Variants in NINJ1 observed in about 807,000 individuals in gnomAD.
NINJ1 encodes the protein ninjurin-1.
In NINJ1, 6 loss-of-function variants were observed where a neutral mutation model predicts 12.7. The observed-to-expected ratio is 0.47, with a 90% confidence interval of 0.26 to 0.93. The LOEUF (loss-of-function observed/expected upper bound fraction) is 0.93, where lower values mean the gene tolerates loss of function less well. Among genes scored for constraint, NINJ1 ranks in the 40% least tolerant of loss-of-function variants. The pLI is 0.15. For missense variants in NINJ1, 170 were observed against 213.0 expected (o/e 0.80, Z 1.26); for synonymous variants, 100 against 96.0 (o/e 1.04, Z -0.25).
chr9:93,132,207 G>T lies in NINJ1; in HGVS notation c.75+1936C>A, dbSNP rs558161829. Among the ~76,000 whole-genome samples, 8 of 152,342 alleles carry T rather than the reference G, an allele frequency of 5.3e-5. No homozygotes were observed. The South Asian group carries it at 1.7e-3, about 32-fold the overall frequency. ...GGTCTTGAGGTTGGGAAGAGGAACA[G>T]GTGTGTTGGGTGGTCCTGGGCCCCC... On this transcript the variant is annotated intron_variant, in intron 1 of 3. Coordinates refer to ENST00000375446, the MANE Select transcript of NINJ1 (RefSeq NM_004148.4).
At chr9:93,133,548 G>A (rs1827929008) in intron 1 of NINJ1, among the ~76,000 whole-genome samples, 1 of 152,232 alleles carries the variant, frequency 6.6e-6, no homozygotes, top group African/African-American at 2.4e-5. Context: ...AGGGCCGGTG[G>A]CGGCATACAC....
At chr9:93,129,483 T>A (rs1165696081) in intron 1 of NINJ1, among the ~76,000 whole-genome samples, 1 of 152,212 alleles carries the variant, frequency 6.6e-6, no homozygotes, top group Admixed American at 6.5e-5. Context: ...TCCGGCCATC[T>A]GCTTCCTGTC....
chr9:93,122,851 C>A (rs1032333963), intron 3 of NINJ1, among the ~76,000 whole-genome samples: 7 of 152,218 alleles, frequency 4.6e-5, no homozygotes, highest in African/African-American at 1.7e-4. Context: ...CTCTTCCCGG[C>A]AGGCAGATAA....
In NINJ1 at chr9:93,124,815, G is replaced by A. The variant is rs1827785870; in HGVS notation, c.*9+84C>T. The A allele has an allele frequency of 7.0e-6, 10 of 1,438,400 alleles. 1 individual carries two copies. Among genetic ancestry groups the A allele is most frequent in the South Asian group, 5.6e-5 (4 of 71,724 alleles). The allele number at this position is 1,438,400 out of a possible 1,614,324, so 89.1% of individuals were successfully genotyped here. A position where few individuals can be genotyped will look rare whatever the true frequency, so the allele number is the denominator to read the frequency against. On this transcript the variant is annotated intron_variant, in intron 3 of 3. Transcript: ENST00000375446. ...CCTAGGAAGGTGTCCAAGGCTGGCC[G>A]GCCAGGGACTCACCACACTGCAAGA...
chr9:93,126,235 G>A, intron 2 of NINJ1, 175 bp downstream of exon 2: 1 of 579,296 alleles, frequency 1.7e-6, no homozygotes, highest in Non-Finnish European at 3.0e-6. Context: ...CAAAGTGCAG[G>A]GTGGGGGGAG....
chr9:93,125,063 CTG>C lies in NINJ1; in HGVS notation c.305-3_305-2del. On this transcript the variant is annotated splice_acceptor_variant and splice_polypyrimidine_tract_variant and intron_variant, in intron 2 of 3. Transcript: ENST00000375446. LOFTEE classifies it high-confidence loss of function. ...GCCGGGTTGTTAAGGTCGTACTTGA[CTG>C]TGGGCGAGAGAGGAGTGGATGGTGC... The C allele has an allele frequency of 6.2e-7, 1 of 1,610,198 alleles. No homozygotes were observed. Among genetic ancestry groups the C allele is most frequent in the Non-Finnish European group, 8.5e-7 (1 of 1,177,788 alleles).
intron 1 of NINJ1, among the ~76,000 whole-genome samples, chr9:93,126,971 G>A (rs781520238): frequency 7.3e-5 from 11 of 151,626 alleles, no homozygotes; most frequent in Non-Finnish European, 1.5e-4. Context: ...TGCCCCTACC[G>A]GTCTGTGCCC....
intron 1 of NINJ1, among the ~76,000 whole-genome samples, chr9:93,133,279 G>A (rs1244040491): frequency 6.6e-6 from 1 of 152,226 alleles, no homozygotes; most frequent in Non-Finnish European, 1.5e-5. Flanking sequence ...GAGTGTCTTT[G>A]CCCCAGTCTG....
At chr9:93,123,228 T>A (rs911074743) in intron 3 of NINJ1, among the ~76,000 whole-genome samples, 2 of 151,388 alleles carry the variant, frequency 1.3e-5, no homozygotes, top group African/African-American at 4.9e-5. Flanking sequence ...TGCAGGGTGC[T>A]CCCAACCCAG....
chr9:93,134,169 C>T lies in NINJ1; in HGVS notation c.49G>A (p.Gly17Ser). 1 of 1,558,368 alleles carries T rather than the reference C, an allele frequency of 6.4e-7. No homozygotes were observed. The highest frequency in any genetic ancestry group is 8.7e-7 in the Non-Finnish European group (1 of 1,152,328). Reference protein sequence around the residue: ...EYELNGGLPPGTPGSPDASPA... With the variant: ...EYELNGGLPPSTPGSPDASPA... Reference sequence around the variant, plus strand: ...GAGGCGTCCGGGGAGCCGGGTGTGCCCGGAGGCAGGCCGCCGTTGAGCTCG... The same window carrying T: ...GAGGCGTCCGGGGAGCCGGGTGTGCTCGGAGGCAGGCCGCCGTTGAGCTCG... Residue 17 changes from glycine to serine, a missense_variant, in exon 1 of 4, where the codon GGC (glycine) becomes AGC (serine). Gly to Ser is a moderately conservative substitution (Grantham distance 56). Coordinates refer to ENST00000375446, the MANE Select transcript of NINJ1 (RefSeq NM_004148.4).
intron 1 of NINJ1, among the ~76,000 whole-genome samples, chr9:93,129,153 G>A (rs1368691276): frequency 7.0e-6 from 1 of 142,838 alleles, no homozygotes; most frequent in African/African-American, 2.6e-5. Context: ...CCCACTTAAG[G>A]TGGGTAAACT....
Position 93,130,626 on chromosome 9 carries a change from A to T in NINJ1, c.75+3517T>A, listed in dbSNP as rs78875156. 4.8e-3 allele frequency among the ~76,000 whole-genome samples: 727 copies of T among 152,300 alleles called. 2 individuals carry two copies. The highest frequency in any genetic ancestry group is 0.019 in the South Asian group (92 of 4,828). On this transcript the variant is annotated intron_variant, in intron 1 of 3. Transcript: ENST00000375446. ...TCCTCATTTGTAAAATGGGTAGACAAGGATGTGGAGGGGACTGAATGGGGT... is the reference window on the plus strand; with the variant it reads ...TCCTCATTTGTAAAATGGGTAGACATGGATGTGGAGGGGACTGAATGGGGT...
At chr9:93,126,209 A>G in intron 2 of NINJ1, 1 of 557,514 alleles carries the variant, frequency 1.8e-6, no homozygotes, top group East Asian at 3.1e-5. Flanking sequence ...AAAACAAAAC[A>G]AAACAAAACA....
Position 93,133,668 on chromosome 9 carries a change from G to A in NINJ1, c.75+475C>T, listed in dbSNP as rs552482645. Among the ~76,000 whole-genome samples the A allele has an allele frequency of 2.6e-5, 4 of 152,366 alleles. No homozygotes were observed. In the East Asian group the frequency reaches 5.8e-4, roughly 22 times the overall value. ...CGCATCAGATTGTGTGGTCAGCGTG[G>A]GGTGACGTAACTGTCTGCATGCAGC... is the stretch of plus-strand genomic sequence containing the variant. On this transcript the variant is annotated intron_variant, in intron 1 of 3. Coordinates refer to ENST00000375446, the MANE Select transcript of NINJ1 (RefSeq NM_004148.4).
chr9:93,133,801 G>T (rs568784782), intron 1 of NINJ1, among the ~76,000 whole-genome samples: 5 of 152,330 alleles, frequency 3.3e-5, no homozygotes, highest in African/African-American at 7.2e-5. Flanking sequence ...GCGAGAGTGG[G>T]GGGGAGGTCG....
chr9:93,128,162 C>T (rs1196322760), intron 1 of NINJ1, among the ~76,000 whole-genome samples: 1 of 152,160 alleles, frequency 6.6e-6, no homozygotes, highest in Non-Finnish European at 1.5e-5. Context: ...GGACAGCCGC[C>T]TTTACCTGGG....
intron 1 of NINJ1, among the ~76,000 whole-genome samples, chr9:93,132,800 C>A (rs781676049): frequency 1.3e-5 from 2 of 152,234 alleles, no homozygotes; most frequent in Non-Finnish European, 2.9e-5. Flanking sequence ...CCTATCCTGC[C>A]GCCCGCAGAA....
At chr9:93,128,112 T>C (rs1369241578) in intron 1 of NINJ1, among the ~76,000 whole-genome samples, 2 of 152,140 alleles carry the variant, frequency 1.3e-5, no homozygotes, top group Non-Finnish European at 2.9e-5. Context: ...CATCAGCTGC[T>C]CTCTAAGTAG....
At chr9:93,132,612 C>A (rs935007447) in intron 1 of NINJ1, among the ~76,000 whole-genome samples, 1 of 152,244 alleles carries the variant, frequency 6.6e-6, no homozygotes, top group Non-Finnish European at 1.5e-5. Flanking sequence ...CCCAGGGAAC[C>A]CCCTGCTTTG....
Sources: gnomAD v4.1 joint callset for allele counts (sites outside exome capture counted in the v4.1 genomes callset) on GRCh38, gnomAD v4.1.1 for gene constraint, MANE v1.5 for transcripts, NCBI Gene and HGNC (gene_info 2026-07-23, HGNC 2026-07-21) for gene names.